The following FOXP1 variants were observed in gnomAD, a reference collection of about 807,000 sequenced individuals.
FOXP1 encodes forkhead box protein P1.
In FOXP1, 15 loss-of-function variants were observed where a neutral mutation model predicts 98.2. That is an observed-to-expected ratio of 0.15 (90% CI 0.10 to 0.24). FOXP1 has a LOEUF of 0.24. Ranked by LOEUF, FOXP1 falls within the 10% of genes least tolerant of loss-of-function variation. FOXP1 has a pLI of 1.00. For missense variants in FOXP1, 633 were observed against 848.5 expected (o/e 0.75, Z 3.15); for synonymous variants, 371 against 314.5 (o/e 1.18, Z -1.90).
chr3:71,332,789 T>C (rs1002505828), intron 4 of FOXP1: 1 of 152,068 alleles, frequency 6.6e-6, no homozygotes, highest in African/African-American at 2.4e-5. Flanking sequence ...AACACTGTAA[T>C]ACAACAGATG....
At chr3:71,269,690 T>G (rs1392985179) in intron 5 of FOXP1, among the ~76,000 whole-genome samples, 1 of 152,216 alleles carries the variant, frequency 6.6e-6, no homozygotes, top group African/African-American at 2.4e-5. Context: ...TTATATAAAG[T>G]TGGTGCAGTT....
intron 3 of FOXP1, among the ~76,000 whole-genome samples, chr3:71,442,171 T>C (rs2085999173): frequency 6.6e-6 from 1 of 152,148 alleles, no homozygotes; most frequent in African/African-American, 2.4e-5. Context: ...ACCATATATG[T>C]CCCAGATGCC....
chr3:70,975,752 G>A (rs898381457), intron 17 of FOXP1, among the ~76,000 whole-genome samples: 1 of 152,156 alleles, frequency 6.6e-6, no homozygotes, highest in Non-Finnish European at 1.5e-5. Flanking sequence ...ACAAATGACA[G>A]AGTGTACCTG....
chr3:71,131,297 G>A (rs1367462045), intron 6 of FOXP1, among the ~76,000 whole-genome samples: 2 of 150,446 alleles, frequency 1.3e-5, no homozygotes, highest in Admixed American at 6.7e-5. Flanking sequence ...CCTGTCTTCC[G>A]TCACCGGAGT....
At chr3:71,132,349 T>C (rs538073823) in intron 6 of FOXP1, among the ~76,000 whole-genome samples, 1 of 152,336 alleles carries the variant, frequency 6.6e-6, no homozygotes, top group Non-Finnish European at 1.5e-5. Context: ...CCTACAGATA[T>C]GTAACTGCTT....
At position 71,099,441 on chromosome 3, in the gene FOXP1, G is replaced by A. The variant is rs529602432; in HGVS notation, c.282+13095C>T. 1.9e-4 allele frequency among the ~76,000 whole-genome samples: 29 copies of A among 152,304 alleles called. No individual in the cohort carries two copies. In the Middle Eastern group the frequency reaches 0.014, roughly 71 times the overall value. On this transcript the variant is annotated intron_variant, in intron 7 of 20. Coordinates refer to ENST00000649528, the MANE Select transcript of FOXP1 (RefSeq NM_001349338.3). ...GCGGGAGAATTGCTTGAACCCTGGA[G>A]GCGGAGGTTGCAGTGAGCTGAGATC...
At chr3:71,055,742 T>G (rs571915794) in intron 7 of FOXP1, among the ~76,000 whole-genome samples, 38 of 152,336 alleles carry the variant, frequency 2.5e-4, no homozygotes, top group Middle Eastern at 6.8e-3. Context: ...CGTATCACAA[T>G]AGAAGTTTAC....
rs575432728 is a variant in FOXP1 at position 71,341,984 on chromosome 3, C to T, written c.-73+17166G>A. Reference sequence around the variant, plus strand: ...AACTGAGATCACATAACAAGTTAGCCAAAAATACAGCTTTAAAACACAGGC... The same window carrying T: ...AACTGAGATCACATAACAAGTTAGCTAAAAATACAGCTTTAAAACACAGGC... On this transcript the variant is annotated intron_variant, in intron 4 of 20. Transcript: ENST00000649528. 7.2e-5 allele frequency among the ~76,000 whole-genome samples: 11 copies of T among 152,228 alleles called. No individual in the cohort carries two copies. The South Asian group carries it at 2.1e-3, about 29-fold the overall frequency.
chr3:71,062,655 T>C (rs890636007), intron 7 of FOXP1, among the ~76,000 whole-genome samples: 18 of 152,210 alleles, frequency 1.2e-4, no homozygotes, highest in African/African-American at 4.3e-4. Context: ...AAAGCCTACC[T>C]TACCTAAATT....
intron 3 of FOXP1, among the ~76,000 whole-genome samples, chr3:71,483,179 T>A (rs1357922956): frequency 6.6e-6 from 1 of 152,152 alleles, no homozygotes; most frequent in Admixed American, 6.5e-5. Flanking sequence ...CTTTGACTTG[T>A]CTTCCCTTTT....
chr3:71,454,817 C>A (rs1433560613), intron 3 of FOXP1, among the ~76,000 whole-genome samples: 5 of 146,958 alleles, frequency 3.4e-5, no homozygotes, highest in Admixed American at 3.4e-4. Context: ...AAAAAAAAAA[C>A]TGCTTTCTGA....
chr3:71,074,821 C>G (rs2053626932), intron 7 of FOXP1, among the ~76,000 whole-genome samples: 1 of 152,206 alleles, frequency 6.6e-6, no homozygotes, highest in Non-Finnish European at 1.5e-5. Context: ...ACTGGGCTGG[C>G]TGGATGTGGG....
chr3:71,424,661 T>C (rs1320818892), intron 3 of FOXP1, among the ~76,000 whole-genome samples: 1 of 152,194 alleles, frequency 6.6e-6, no homozygotes. Flanking sequence ...CACTCCAATT[T>C]TGCCACTAAT....
At chr3:71,147,588 T>C (rs1033628054) in intron 6 of FOXP1, among the ~76,000 whole-genome samples, 1 of 152,212 alleles carries the variant, frequency 6.6e-6, no homozygotes, top group Non-Finnish European at 1.5e-5. Flanking sequence ...CATCTAAAAA[T>C]ATTATGCTTA....
At chr3:71,293,147 T>C (rs933436500) in intron 5 of FOXP1, among the ~76,000 whole-genome samples, 6 of 152,240 alleles carry the variant, frequency 3.9e-5, no homozygotes, top group African/African-American at 1.4e-4. Flanking sequence ...CAGATTTCTT[T>C]CAGAGGCTTT....
In FOXP1 at chr3:71,578,280, G is replaced by A. The variant is rs998861699; in HGVS notation, c.-298+3269C>T. Among the ~76,000 whole-genome samples the A allele has an allele frequency of 2.6e-5, 4 of 152,040 alleles. No homozygotes were observed. In the East Asian group the frequency reaches 5.8e-4, roughly 22 times the overall value. The stretch of plus-strand genomic sequence containing the variant: ...TCCCCACTTAATGCTCTTCAGTCAC[G>A]GGTTAAATGAGTTTCTTTAATGTAA... On this transcript the variant is annotated intron_variant, in intron 2 of 20. Coordinates refer to ENST00000649528, the MANE Select transcript of FOXP1 (RefSeq NM_001349338.3).
intron 4 of FOXP1, among the ~76,000 whole-genome samples, chr3:71,311,475 T>C (rs147375346): frequency 8.1e-4 from 123 of 152,296 alleles, no homozygotes; most frequent in African/African-American, 2.8e-3. Context: ...CACTAATCAG[T>C]GTATGAGTGG....
At chr3:71,227,435 A>T (rs567440595) in intron 5 of FOXP1, among the ~76,000 whole-genome samples, 2 of 152,314 alleles carry the variant, frequency 1.3e-5, no homozygotes, top group South Asian at 4.1e-4. Context: ...CTATTAGTCA[A>T]TTTGAAATTA....
intron 16 of FOXP1, 50 bp downstream of exon 16, chr3:70,977,593 G>A (rs2107308954): frequency 7.2e-7 from 1 of 1,395,736 alleles, no homozygotes; most frequent in Non-Finnish European, 1.0e-6. Flanking sequence ...ATATATCCAT[G>A]TACACATATA....
Sources: gnomAD v4.1 joint callset for allele counts (sites outside exome capture counted in the v4.1 genomes callset) on GRCh38, gnomAD v4.1.1 for gene constraint, MANE v1.5 for transcripts, NCBI Gene and HGNC (gene_info 2026-07-23, HGNC 2026-07-21) for gene names.